HNRNPLL: variants seen among roughly 807,000 people sequenced by gnomAD.
HNRNPLL encodes heterogeneous nuclear ribonucleoprotein L-like.
A neutral mutation model predicts 67.1 loss-of-function variants in HNRNPLL; 25 were observed. The ratio of observed to expected loss-of-function variants is 0.37; its 90% CI spans 0.27 to 0.52. The LOEUF (loss-of-function observed/expected upper bound fraction) is 0.52. Among genes scored for constraint, HNRNPLL ranks in the 20% least tolerant of loss-of-function variants. HNRNPLL has a pLI of 0.90. For missense variants in HNRNPLL, 542 were observed against 673.9 expected, an observed-to-expected ratio of 0.80 and a Z score of 2.17; for synonymous variants, 267 against 241.7, an observed-to-expected ratio of 1.10 and a Z score of -0.97.
Position 38,591,553 on chromosome 2 carries a change from C to A in HNRNPLL, c.285G>T (p.Ala95=). 6.2e-7 allele frequency: 1 copy of A among 1,610,800 alleles called. No individual in the cohort carries two copies. Among genetic ancestry groups the A allele is most frequent in the Non-Finnish European group, 8.5e-7 (1 of 1,177,034 alleles). The change falls in exon 2 of 13, where the codon GCG becomes GCT. Residue 95 remains alanine (A), a synonymous_variant. Coordinates refer to ENST00000449105, the MANE Select transcript of HNRNPLL (RefSeq NM_138394.4). ...ESVVEADLVE[A]LEKFGTICYV... is the part of the protein sequence containing the mutation. ...ACCATATTGTCCCAAATTTTTCCAG[C>A]GCTTCCACGAGGTCTGCTTCCACCA...
At chr2:38,583,744 G>C (rs1237254821) in intron 4 of HNRNPLL, 97 bp downstream of exon 4, 2 of 519,866 alleles carry the variant, frequency 3.8e-6, no homozygotes, top group African/African-American at 4.0e-5. Context: ...TTTTGTGAGA[G>C]GACAAAGTAA....
rs895287117 is a variant in HNRNPLL, at chr2:38,602,481, C to T, written c.146G>A (p.Gly49Asp). ...GCCGCCGCCGCCGCCATCGCCCCCG[C>T]CCCGGGGCGTCGCTTCCCGGCGGTT... ...GENRREATPR[G>D]GGDGGGGGRS... is the part of the protein sequence containing the mutation. The change falls in exon 1 of 13, where the codon GGC becomes GAC. Residue 49 changes from glycine (G) to aspartate (D), a missense_variant. Coordinates refer to ENST00000449105, the MANE Select transcript of HNRNPLL (RefSeq NM_138394.4). The T allele has an allele frequency of 1.3e-6, 2 of 1,543,394 alleles. No individual in the cohort carries two copies. Among genetic ancestry groups the T allele is most frequent in the Non-Finnish European group, 1.7e-6 (2 of 1,147,694 alleles).
intron 1 of HNRNPLL, among the ~76,000 whole-genome samples, chr2:38,598,013 A>AC (rs1667276449): frequency 6.7e-6 from 1 of 150,170 alleles, no homozygotes; most frequent in African/African-American, 2.4e-5. Context: ...TAAAAAACAA[A>AC]CTTTTTTTTT....
At chr2:38,584,346 C>A (rs898703128) in intron 3 of HNRNPLL, among the ~76,000 whole-genome samples, 1 of 152,136 alleles carries the variant, frequency 6.6e-6, no homozygotes, top group Non-Finnish European at 1.5e-5. Context: ...TAGGTATGAG[C>A]CACCATGCTG....
chr2:38,601,558 C>T (rs925593752), intron 1 of HNRNPLL: 1 of 152,206 alleles, frequency 6.6e-6, no homozygotes, highest in African/African-American at 2.4e-5. Context: ...AAGTCTCCAT[C>T]CAACTGAAGC....
intron 12 of HNRNPLL, among the ~76,000 whole-genome samples, chr2:38,567,708 T>C (rs959415573): frequency 1.3e-4 from 20 of 152,190 alleles, no homozygotes; most frequent in African/African-American, 4.8e-4. Flanking sequence ...CATTAAGTGA[T>C]GGTATGCCAC....
In HNRNPLL at chr2:38,567,067, A is replaced by T. The variant is rs140318632; in HGVS notation, c.1573+1132T>A. ...CAAGATATAGTAAGTGAAAACAGCA[A>T]GACACAGGAAAGTATGTACAGAAGA... is the stretch of plus-strand genomic sequence containing the variant. On this transcript the variant is annotated intron_variant, in intron 12 of 12. Coordinates refer to ENST00000449105, the MANE Select transcript of HNRNPLL (RefSeq NM_138394.4). 6.0e-3 allele frequency among the ~76,000 whole-genome samples: 918 copies of T among 152,100 alleles called. 7 individuals are homozygous for T. Among genetic ancestry groups the T allele is most frequent in the African/African-American group, 0.021 (874 of 41,516 alleles).
intron 7 of HNRNPLL, among the ~76,000 whole-genome samples, 157 bp from the exon 8 acceptor site, chr2:38,573,584 T>A (rs1666179777): frequency 6.6e-6 from 1 of 151,976 alleles, no homozygotes; most frequent in Non-Finnish European, 1.5e-5. Flanking sequence ...TATTTCAGTA[T>A]AACCTGAGGA....
Position 38,594,871 on chromosome 2 carries a change from T to C in HNRNPLL, c.190-3223A>G, listed in dbSNP as rs79282071. 6.9e-4 allele frequency among the ~76,000 whole-genome samples: 105 copies of C among 151,840 alleles called. 3 individuals are homozygous for C. The East Asian group carries it at 0.013, about 19-fold the overall frequency. Reference sequence around the variant, plus strand: ...AGGCAAGAGAATTGCTTAAACCAAGTAGGCAAAGGTTGCAGTGAACTGAGA... The same window carrying C: ...AGGCAAGAGAATTGCTTAAACCAAGCAGGCAAAGGTTGCAGTGAACTGAGA... On this transcript the variant is annotated intron_variant, in intron 1 of 12. Transcript: ENST00000449105.
In HNRNPLL at chr2:38,569,246, T is replaced by A; in HGVS notation, c.1303A>T (p.Asn435Tyr). 6.2e-7 allele frequency: 1 copy of A among 1,613,366 alleles called. No homozygotes were observed. Among genetic ancestry groups the A allele is most frequent in the Non-Finnish European group, 8.5e-7 (1 of 1,179,398 alleles). Residue 435 changes from asparagine to tyrosine, a missense_variant, in exon 10 of 13, where the codon AAT (asparagine) becomes TAT (tyrosine). Coordinates refer to ENST00000449105, the MANE Select transcript of HNRNPLL (RefSeq NM_138394.4). ...TGGCCAGCACTTGTAAAGCGATTAT[T>A]TTTGCTCATTGCAAAATCTTTGTAG... ...SSYKDFAMSK[N>Y]NRFTSAGQAS...
At chr2:38,598,769 C>A (rs1246137309) in intron 1 of HNRNPLL, among the ~76,000 whole-genome samples, 9 of 152,168 alleles carry the variant, frequency 5.9e-5, no homozygotes, top group Admixed American at 5.9e-4. Context: ...CCGTAACATA[C>A]TAACATGAAG....
intron 1 of HNRNPLL, among the ~76,000 whole-genome samples, chr2:38,597,840 A>G (rs1261123408): frequency 1.3e-5 from 2 of 151,904 alleles, no homozygotes; most frequent in East Asian, 3.9e-4. Flanking sequence ...GGCGCGTGCC[A>G]CCACACCCGG....
Position 38,583,874 on chromosome 2 carries a change from A to G in HNRNPLL, c.599T>C (p.Ile200Thr), listed in dbSNP as rs183955948. The G allele has an allele frequency of 7.0e-6, 11 of 1,569,548 alleles. No individual in the cohort carries two copies. The highest frequency in any genetic ancestry group is 3.5e-5 in the Admixed American group (2 of 57,766). The change falls in exon 4 of 13, where the codon ATA (isoleucine) becomes ACA (threonine). Residue 200 changes from isoleucine to threonine, a missense_variant. Transcript: ENST00000449105. The stretch of plus-strand genomic sequence containing the variant: ...TGCTTGTATCCCATTTCTCTTGAAT[A>G]TAACAATACGTTGCACTTTGCCAAC... ...NPVGKVQRIVIFKRNGIQAMV... is the reference protein window; with the variant it reads ...NPVGKVQRIVTFKRNGIQAMV...
chr2:38,602,331 C>T, intron 1 of HNRNPLL, 107 bp downstream of exon 1: 1 of 1,083,426 alleles, frequency 9.2e-7, no homozygotes, highest in Non-Finnish European at 1.3e-6. Flanking sequence ...CCAAACGGGT[C>T]GGCGCAGCGG....
chr2:38,580,190 A>C (rs151108386), intron 6 of HNRNPLL, among the ~76,000 whole-genome samples: 95 of 152,324 alleles, frequency 6.2e-4, no homozygotes, highest in African/African-American at 2.2e-3. Flanking sequence ...GTGGTCAATA[A>C]CTGTAAATTG....
At chr2:38,567,052 T>C (rs1224740088) in intron 12 of HNRNPLL, among the ~76,000 whole-genome samples, 4 of 152,058 alleles carry the variant, frequency 2.6e-5, no homozygotes, top group Non-Finnish European at 5.9e-5. Context: ...CAAGATATAG[T>C]AAGTGAAAAC....
At chr2:38,585,955 A>C (rs1666712656) in intron 2 of HNRNPLL, 74 bp from the exon 3 acceptor site, 3 of 892,438 alleles carry the variant, frequency 3.4e-6, no homozygotes, top group Non-Finnish European at 5.6e-6. Flanking sequence ...CAATTAAGTA[A>C]AAGCAGACTT....
intron 1 of HNRNPLL, among the ~76,000 whole-genome samples, chr2:38,600,454 C>A (rs1667381926): frequency 1.3e-5 from 2 of 152,046 alleles, no homozygotes; most frequent in Non-Finnish European, 2.9e-5. Context: ...AGACCAGGTG[C>A]GGTGGCTCAC....
rs1394712584 is a variant in HNRNPLL, at chr2:38,563,744, G to C, written c.*438C>G. The C allele has an allele frequency of 6.5e-6, 1 of 154,298 alleles. No homozygotes were observed. Among genetic ancestry groups the C allele is most frequent in the African/African-American group, 2.4e-5 (1 of 41,420 alleles). The allele number at this position is 154,298 out of a possible 1,614,324, so 9.6% of individuals were successfully genotyped here. ...CTTCATTAAAATAATAAATATACAA[G>C]TTATGTTTAATATGAGTAACTGCAA... On this transcript the variant is annotated 3_prime_UTR_variant, in exon 13 of 13. Transcript: ENST00000449105.
Sources: allele counts gnomAD v4.1 joint callset (sites outside exome capture counted in the v4.1 genomes callset), GRCh38; gene constraint gnomAD v4.1.1; transcripts MANE v1.5; gene names NCBI Gene and HGNC (gene_info 2026-07-23, HGNC 2026-07-21).